The following KCTD8 variants were observed in gnomAD, a reference collection of about 807,000 sequenced individuals.
The protein encoded by KCTD8 is BTB/POZ domain-containing protein KCTD8.
A neutral mutation model predicts 31.5 loss-of-function variants in KCTD8; 27 were observed. The ratio of observed to expected loss-of-function variants is 0.86; its 90% CI spans 0.63 to 1.18. The LOEUF is 1.18. Ranked by LOEUF, KCTD8 falls within the 50% of genes most tolerant of loss-of-function variation. The pLI is 0.00. For synonymous variants in KCTD8, 290 were observed against 280.0 expected (o/e 1.04, Z -0.36); for missense variants, 658 against 647.7 (o/e 1.02, Z -0.17).
At chr4:44,330,864 T>A (rs1303009302) in intron 1 of KCTD8, among the ~76,000 whole-genome samples, 2 of 151,840 alleles carry the variant, frequency 1.3e-5, no homozygotes, top group East Asian at 3.9e-4. Context: ...AATGCTTCAA[T>A]TAGTTTTCTG....
intron 1 of KCTD8, among the ~76,000 whole-genome samples, chr4:44,382,675 A>T (rs1033247167): frequency 6.6e-6 from 1 of 151,588 alleles, no homozygotes; most frequent in African/African-American, 2.4e-5. Context: ...GGTTGCAGTG[A>T]GTTGAAATTG....
intron 1 of KCTD8, among the ~76,000 whole-genome samples, chr4:44,297,350 G>T (rs895271319): frequency 1.3e-5 from 2 of 151,802 alleles, no homozygotes; most frequent in African/African-American, 4.8e-5. Context: ...CATCCAAAAA[G>T]CTTACTTTTT....
intron 1 of KCTD8, among the ~76,000 whole-genome samples, chr4:44,342,756 T>C (rs2109419515): frequency 6.6e-6 from 1 of 152,360 alleles, no homozygotes; most frequent in Admixed American, 6.5e-5. Flanking sequence ...TAGCTAGATC[T>C]TCTGTATAAT....
intron 1 of KCTD8, among the ~76,000 whole-genome samples, chr4:44,384,125 G>A (rs1193706886): frequency 1.4e-5 from 2 of 138,716 alleles, no homozygotes; most frequent in Non-Finnish European, 3.1e-5. Context: ...TTCTCACTCA[G>A]GTTCAATGCC....
At chr4:44,333,337 A>C (rs2109413655) in intron 1 of KCTD8, among the ~76,000 whole-genome samples, 1 of 152,250 alleles carries the variant, frequency 6.6e-6, no homozygotes, top group South Asian at 2.1e-4. Flanking sequence ...ATAAGTCGCA[A>C]GCAAACCAAA....
At chr4:44,189,041 A>G (rs1286882245) in intron 1 of KCTD8, among the ~76,000 whole-genome samples, 1 of 152,206 alleles carries the variant, frequency 6.6e-6, no homozygotes, top group Non-Finnish European at 1.5e-5. Flanking sequence ...GTCATCTTAT[A>G]TAAGTGAACA....
At chr4:44,371,293 G>A (rs1476549057) in intron 1 of KCTD8, among the ~76,000 whole-genome samples, 2 of 152,228 alleles carry the variant, frequency 1.3e-5, no homozygotes, top group Middle Eastern at 3.4e-3. Context: ...TATTCTAATA[G>A]GTACTTCCAG....
chr4:44,437,201 A>G (rs979061940), intron 1 of KCTD8, among the ~76,000 whole-genome samples: 1 of 152,130 alleles, frequency 6.6e-6, no homozygotes, highest in South Asian at 2.1e-4. Context: ...GAGAGTATAC[A>G]CTGCCCAATG....
intron 1 of KCTD8, among the ~76,000 whole-genome samples, chr4:44,269,184 A>G (rs1245778916): frequency 6.6e-6 from 1 of 152,212 alleles, no homozygotes; most frequent in Non-Finnish European, 1.5e-5. Flanking sequence ...TACTGATACC[A>G]AAACAGAGAT....
At chr4:44,361,370 T>C (rs1719491648) in intron 1 of KCTD8, among the ~76,000 whole-genome samples, 2 of 152,020 alleles carry the variant, frequency 1.3e-5, no homozygotes, top group South Asian at 4.1e-4. Flanking sequence ...TAACATGTTC[T>C]CTACAAAAGA....
Position 44,302,437 on chromosome 4 carries a change from C to A in KCTD8, c.962-127187G>T, listed in dbSNP as rs2109393263. On this transcript the variant is annotated intron_variant, in intron 1 of 1. Transcript: ENST00000360029. The stretch of plus-strand genomic sequence containing the variant: ...TCTCCTTGAAGAGGTCCTTCACGTC[C>A]CTTTTAAGTTGGATTCCTAAGTATT... 2.6e-5 allele frequency among the ~76,000 whole-genome samples: 4 copies of A among 152,128 alleles called. 1 individual carries two copies. The East Asian group carries it at 7.7e-4, about 29-fold the overall frequency.
rs563276391 is a variant in KCTD8 at position 44,406,675 on chromosome 4, C to T, written c.961+40888G>A. 2.0e-5 allele frequency among the ~76,000 whole-genome samples: 3 copies of T among 152,094 alleles called. No homozygotes were observed. In the East Asian group the frequency reaches 5.8e-4, roughly 29 times the overall value. ...AAATATGATCTACAAAATATAAAAT[C>T]CAAAAAGTGAATCCAGGAGCATAAA... On this transcript the variant is annotated intron_variant, in intron 1 of 1. Transcript: ENST00000360029.
chr4:44,177,397 C>T (rs931617422), intron 1 of KCTD8, among the ~76,000 whole-genome samples: 3 of 152,146 alleles, frequency 2.0e-5, no homozygotes, highest in African/African-American at 7.2e-5. Flanking sequence ...TCTTCTACCA[C>T]CCCTCTTGAG....
At chr4:44,244,736 G>T (rs909379228) in intron 1 of KCTD8, among the ~76,000 whole-genome samples, 26 of 151,726 alleles carry the variant, frequency 1.7e-4, no homozygotes, top group Non-Finnish European at 3.8e-4. Context: ...GCTACACAGA[G>T]AGACCAGGAA....
At chr4:44,224,709 A>T (rs1040609765) in intron 1 of KCTD8, among the ~76,000 whole-genome samples, 12 of 152,196 alleles carry the variant, frequency 7.9e-5, no homozygotes, top group Non-Finnish European at 1.6e-4. Context: ...GTGACTTAAT[A>T]TAATAAAAAT....
chr4:44,320,941 G>A (rs1718279387), intron 1 of KCTD8, among the ~76,000 whole-genome samples: 1 of 152,248 alleles, frequency 6.6e-6, no homozygotes, highest in Admixed American at 6.5e-5. Context: ...ATTTAAGTGA[G>A]AGGAGAAGCC....
chr4:44,418,742 T>C (rs6832956), intron 1 of KCTD8, among the ~76,000 whole-genome samples: 24,787 of 152,182 alleles, frequency 0.16, 2,224 homozygotes, highest in Non-Finnish European at 0.2. Flanking sequence ...TTAAAACCTC[T>C]TCAAGCCTCT....
intron 1 of KCTD8, among the ~76,000 whole-genome samples, chr4:44,233,775 T>C (rs1444467166): frequency 1.3e-5 from 2 of 152,206 alleles, no homozygotes; most frequent in African/African-American, 4.8e-5. Context: ...TATATAGTCC[T>C]TGAGAATTTT....
At chr4:44,207,735 A>G (rs1296097861) in intron 1 of KCTD8, among the ~76,000 whole-genome samples, 2 of 152,226 alleles carry the variant, frequency 1.3e-5, no homozygotes, top group African/African-American at 4.8e-5. Context: ...CTGCCAGTAT[A>G]TGACACCTCT....
Sources: allele counts gnomAD v4.1 joint callset (sites outside exome capture counted in the v4.1 genomes callset), GRCh38; gene constraint gnomAD v4.1.1; transcripts MANE v1.5; gene names NCBI Gene and HGNC (gene_info 2026-07-23, HGNC 2026-07-21).